NDST3: variants seen among roughly 807,000 people sequenced by gnomAD.
NDST3 encodes the protein bifunctional heparan sulfate N-deacetylase/N-sulfotransferase 3.
In NDST3, 58 loss-of-function variants were observed where a neutral mutation model predicts 96.1. The ratio of observed to expected loss-of-function variants is 0.60; its 90% CI spans 0.49 to 0.75. The LOEUF is 0.75. Among genes scored for constraint, NDST3 ranks in the 30% least tolerant of loss-of-function variants. The pLI, the probability that NDST3 is intolerant of heterozygous loss-of-function variation, is 0.00. For synonymous variants in NDST3, 333 were observed against 359.7 expected, an observed-to-expected ratio of 0.93 and a Z score of 0.84; for missense variants, 788 against 1,034.2, an observed-to-expected ratio of 0.76 and a Z score of 3.27.
chr4:118,235,429 C>T (rs117070747), intron 9 of NDST3, among the ~76,000 whole-genome samples: 1 of 152,154 alleles, frequency 6.6e-6, no homozygotes, highest in Non-Finnish European at 1.5e-5. Context: ...TGTGCCCTGC[C>T]CTCTCCATGA....
chr4:118,143,742 C>A (rs557494997), intron 6 of NDST3, 58 bp downstream of exon 6: 74 of 1,531,692 alleles, frequency 4.8e-5, no homozygotes, highest in Middle Eastern at 1.7e-4. Context: ...CAAAAATTAC[C>A]CTGGCAAAGA....
At chr4:118,041,215 T>A (rs969253665) in intron 1 of NDST3, among the ~76,000 whole-genome samples, 7 of 152,170 alleles carry the variant, frequency 4.6e-5, no homozygotes, top group African/African-American at 1.2e-4. Flanking sequence ...GTGTATGGTA[T>A]CTTTGATGCA....
chr4:118,217,330 A>G (rs1739254197), intron 6 of NDST3, among the ~76,000 whole-genome samples: 1 of 152,126 alleles, frequency 6.6e-6, no homozygotes, highest in African/African-American at 2.4e-5. Flanking sequence ...CCTTAGGTTG[A>G]CACACTGAAC....
At chr4:118,217,794 A>C (rs1218592742) in intron 6 of NDST3, among the ~76,000 whole-genome samples, 3 of 152,024 alleles carry the variant, frequency 2.0e-5, no homozygotes, top group Admixed American at 1.3e-4. Context: ...TACATGGAGA[A>C]ATGAAAAATT....
chr4:118,171,906 C>T (rs538279579), intron 6 of NDST3, among the ~76,000 whole-genome samples: 9 of 152,170 alleles, frequency 5.9e-5, no homozygotes, highest in Non-Finnish European at 1.0e-4. Context: ...CAGTAAGCAA[C>T]GTAGGTGTCC....
At chr4:118,128,074 T>A (rs551779860) in intron 4 of NDST3, among the ~76,000 whole-genome samples, 12 of 152,228 alleles carry the variant, frequency 7.9e-5, no homozygotes, top group East Asian at 5.8e-4. Context: ...TCAGTTCTAA[T>A]AGTTTTTTGG....
chr4:118,232,893 G>A, intron 8 of NDST3, 119 bp from the exon 9 acceptor site: 1 of 995,514 alleles, frequency 1.0e-6, no homozygotes, highest in South Asian at 1.8e-5. Context: ...TTTATTTCCA[G>A]CAGTAGTTGT....
Position 118,040,434 on chromosome 4 carries a change from G to A in NDST3, c.-156+5842G>A, listed in dbSNP as rs111350156. On this transcript the variant is annotated intron_variant, in intron 1 of 13. Transcript: ENST00000296499. ...TGGTGCTGGTTATGCCTCTGATTGA[G>A]CCTCTTTCTTTCTTTCTTCTAAGAT... 4.1e-3 allele frequency among the ~76,000 whole-genome samples: 618 copies of A among 152,178 alleles called. 4 individuals are homozygous for A. Among genetic ancestry groups the A allele is most frequent in the African/African-American group, 8.2e-3 (340 of 41,522 alleles).
chr4:118,038,516 T>C (rs1396391662), intron 1 of NDST3, among the ~76,000 whole-genome samples: 2 of 152,188 alleles, frequency 1.3e-5, no homozygotes, highest in Non-Finnish European at 2.9e-5. Context: ...GTATTCTTGG[T>C]CATACTCCAT....
intron 6 of NDST3, chr4:118,194,817 G>C (rs1737561819): frequency 5.5e-6 from 2 of 364,538 alleles, no homozygotes; most frequent in Non-Finnish European, 1.0e-5. Flanking sequence ...CAAAGGCAGG[G>C]GTGCTACCTT....
intron 6 of NDST3, among the ~76,000 whole-genome samples, chr4:118,210,796 G>C (rs560872714): frequency 1.3e-5 from 2 of 149,960 alleles, no homozygotes; most frequent in South Asian, 4.2e-4. Context: ...AAAAAAAAGC[G>C]GGGGGACCCT....
intron 13 of NDST3, 48 bp downstream of exon 13, chr4:118,253,649 C>A: frequency 2.5e-6 from 3 of 1,212,578 alleles, no homozygotes; most frequent in Non-Finnish European, 2.4e-6. Flanking sequence ...AAATGGTAAC[C>A]AATAATATCA....
chr4:118,235,055 A>AGGAAGGAAAGAAGGAC (rs1169149337), intron 9 of NDST3, among the ~76,000 whole-genome samples: 2 of 149,018 alleles, frequency 1.3e-5, no homozygotes, highest in African/African-American at 4.9e-5. Context: ...AAAGGAAGGA[A>AGGAAGGAAAGAAGGAC]GGAAGGAAGG....
intron 6 of NDST3, among the ~76,000 whole-genome samples, chr4:118,152,811 G>A (rs1293355164): frequency 1.3e-5 from 2 of 152,146 alleles, no homozygotes; most frequent in Non-Finnish European, 2.9e-5. Context: ...GAATGCATCA[G>A]ATATTCTCCA....
intron 3 of NDST3, among the ~76,000 whole-genome samples, chr4:118,108,069 G>A (rs1458945825): frequency 1.3e-5 from 2 of 152,136 alleles, no homozygotes; most frequent in East Asian, 3.9e-4. Flanking sequence ...ACTTAATGCA[G>A]GGTAACTTCC....
intron 2 of NDST3, among the ~76,000 whole-genome samples, chr4:118,084,716 T>C (rs1403696476): frequency 6.6e-6 from 1 of 152,214 alleles, no homozygotes; most frequent in Non-Finnish European, 1.5e-5. Flanking sequence ...ACTCTTACTA[T>C]TACACTAACA....
At chr4:118,127,381 C>T (rs1024818426) in intron 4 of NDST3, among the ~76,000 whole-genome samples, 1 of 151,876 alleles carries the variant, frequency 6.6e-6, no homozygotes, top group East Asian at 1.9e-4. Flanking sequence ...TGGTGATAGA[C>T]AGGGGTTCAG....
intron 6 of NDST3, among the ~76,000 whole-genome samples, chr4:118,189,853 C>CTAAT (rs1336141504): frequency 6.6e-6 from 1 of 152,040 alleles, no homozygotes; most frequent in Non-Finnish European, 1.5e-5. Flanking sequence ...AATGCTAAAG[C>CTAAT]TAATTGTAAT....
intron 6 of NDST3, among the ~76,000 whole-genome samples, chr4:118,209,334 A>G (rs1738640391): frequency 6.6e-6 from 1 of 152,214 alleles, no homozygotes; most frequent in East Asian, 1.9e-4. Context: ...AAGGAAGAAG[A>G]ACAGCTGTTG....
Sources: allele counts gnomAD v4.1 joint callset (sites outside exome capture counted in the v4.1 genomes callset), GRCh38; gene constraint gnomAD v4.1.1; transcripts MANE v1.5; gene names NCBI Gene and HGNC (gene_info 2026-07-23, HGNC 2026-07-21).